PITPNM1: variants seen among roughly 807,000 people sequenced by gnomAD.
The protein encoded by PITPNM1 is phosphatidylinositol transfer protein membrane associated 1.
Under a neutral mutation model 133.3 loss-of-function variants are expected in PITPNM1, and 74 were observed. The observed-to-expected ratio is 0.56, with a 90% CI of 0.46 to 0.67. PITPNM1 has a LOEUF of 0.67. Ranked by LOEUF, PITPNM1 falls within the 30% of genes least tolerant of loss-of-function variation. PITPNM1 has a pLI of 0.00. For synonymous variants in PITPNM1, 738 were observed against 741.4 expected, an observed-to-expected ratio of 1.00 and a Z score of 0.08; for missense variants, 1,398 against 1,739.5, an observed-to-expected ratio of 0.80 and a Z score of 3.49.
In PITPNM1 at chr11:67,495,475, C is replaced by T. The variant is rs1342364277; in HGVS notation, c.2445G>A (p.Gln815=). 3 of 1,553,680 alleles carry T rather than the reference C, an allele frequency of 1.9e-6. No individual in the cohort carries two copies. Among genetic ancestry groups the T allele is most frequent in the South Asian group, 1.2e-5 (1 of 84,332 alleles). The part of the protein sequence containing the change: ...GSELATDPPA[Q]PAAPSTTSEV... ...CACTGGTGGTGCTGGGGGCGGCTGG[C>T]TGGGCCGGGGGGTCAGTGGCCAACT... Residue 815 remains glutamine, a synonymous_variant, in exon 16 of 24, where the codon CAG becomes CAA. Coordinates refer to ENST00000356404, the MANE Select transcript of PITPNM1 (RefSeq NM_004910.3).
At position 67,501,967 on chromosome 11, in the gene PITPNM1, T is replaced by C. The variant is rs780087039; in HGVS notation, c.535A>G (p.Thr179Ala). The part of the protein sequence containing the change: ...RGPLSDDWAR[T>A]AAQTGPLMCA... ...ATAAGGGGCCCCGTCTGTGCCGCCGTCCGTGCCCAGTCATCAGACAGTGGC... is the reference window on the plus strand; with the variant it reads ...ATAAGGGGCCCCGTCTGTGCCGCCGCCCGTGCCCAGTCATCAGACAGTGGC... The change falls in exon 5 of 24, where the codon ACG (threonine) becomes GCG (alanine). Residue 179 changes from threonine (T) to alanine (A), a missense_variant. Thr to Ala is a moderately conservative substitution (Grantham distance 58). Around this residue, in one of 5 missense-constraint regions of PITPNM1, gnomAD observed 274 missense variants for 360.7 expected, o/e 0.76. Coordinates refer to ENST00000356404, the MANE Select transcript of PITPNM1 (RefSeq NM_004910.3). 6.2e-7 allele frequency: 1 copy of C among 1,613,520 alleles called. No homozygotes were observed.
Position 67,504,044 on chromosome 11 carries a change from C to G in PITPNM1, c.78+59G>C. On this transcript the variant is annotated intron_variant, in intron 2 of 23. Transcript: ENST00000356404. The surrounding 1 kb of genome is among the most constrained non-coding windows in gnomAD (Gnocchi z 5.4). ...AGCCGGTCCCAGCCCCGGGGCAGGG[C>G]TGGCGGGGTCGGCAGGGCTCCACCC... 9 of 1,373,536 alleles carry G rather than the reference C, an allele frequency of 6.6e-6. 1 individual carries two copies. In the South Asian group the frequency reaches 7.7e-5, roughly 12 times the overall value. 85.1% of individuals were successfully genotyped at this position (1,373,536 alleles called of 1,614,324 possible). A position where few individuals can be genotyped will look rare whatever the true frequency, so the allele number is the denominator to read the frequency against.
rs774879838 is a variant in PITPNM1, at chr11:67,493,807, C to T, written c.3039G>A (p.Leu1013=). The stretch of plus-strand genomic sequence containing the variant: ...CCTCCGTGCCGCGGGCCACCACAGT[C>T]AGGCAGCATTCGGCATAGGTGTGGT... ...RGDHTYAECC[L]TVVARGTEAV... The change falls in exon 21 of 24, where the codon CTG becomes CTA. Residue 1013 remains leucine, a synonymous_variant. Transcript: ENST00000356404. 2.6e-6 allele frequency: 4 copies of T among 1,549,926 alleles called. No individual in the cohort carries two copies. In the South Asian group the frequency reaches 3.6e-5, roughly 14 times the overall value.
intron 8 of PITPNM1, 87 bp from the exon 9 acceptor site, chr11:67,499,088 C>A: frequency 7.6e-7 from 1 of 1,309,050 alleles, no homozygotes; most frequent in Middle Eastern, 1.9e-4. Context: ...GTTCTGGCAT[C>A]TGCCTGAGGC....
chr11:67,493,386 C>T lies in PITPNM1; in HGVS notation c.3342+24G>A, dbSNP rs545171145. ...GGGGAGCGGGGGCGGGGTCAGGACC[C>T]GGAGCCTCCCCCAGCCGCCGCACCT... On this transcript the variant is annotated intron_variant, in intron 22 of 23. Transcript: ENST00000356404. The T allele has an allele frequency of 8.2e-5, 126 of 1,544,280 alleles. 1 individual carries two copies. The Admixed American group carries it at 1.7e-3, about 21-fold the overall frequency.
chr11:67,500,474 G>T (rs934287407), intron 5 of PITPNM1, 53 bp from the exon 6 acceptor site: 55 of 1,525,638 alleles, frequency 3.6e-5, no homozygotes, highest in Non-Finnish European at 4.8e-5. Context: ...CCCTGCCACC[G>T]CAGCTACATG....
At chr11:67,493,328 T>G in intron 22 of PITPNM1, 82 bp downstream of exon 22, 1 of 1,370,344 alleles carries the variant, frequency 7.3e-7, no homozygotes, top group Non-Finnish European at 9.9e-7. Context: ...TGGGAACAGA[T>G]GGGCCTCCGC....
rs1866002697 is a variant in PITPNM1, at chr11:67,493,451, G to A, written c.3301C>T (p.Leu1101=). 6.2e-7 allele frequency: 1 copy of A among 1,604,014 alleles called. No homozygotes were observed. The highest frequency in any genetic ancestry group is 1.3e-5 in the African/African-American group (1 of 74,822). Residue 1101 remains leucine, a synonymous_variant, in exon 22 of 24, where the codon CTA becomes TTA. Coordinates refer to ENST00000356404, the MANE Select transcript of PITPNM1 (RefSeq NM_004910.3). Reference sequence around the variant, plus strand: ...TGCAGAAACATTGCCTTCTGGCGTAGTGGGTCGTGGGTGAGGCCGTCGCAG... The same window carrying A: ...TGCAGAAACATTGCCTTCTGGCGTAATGGGTCGTGGGTGAGGCCGTCGCAG... ...SFCDGLTHDP[L]RQKAMFLQSL...
rs1301158721 is a variant in PITPNM1, at chr11:67,498,003, C to T, written c.1696G>A (p.Val566Ile). ...CGQVALIGDG[V>I]GGILGFDALC... ...GCATCAAAGCCCAGGATGCCACCAA[C>T]ACCATCTCCAATCAGTGCGACCTGG... Residue 566 changes from valine (V) to isoleucine (I), a missense_variant, in exon 12 of 24, where the codon GTT (valine) becomes ATT (isoleucine). Physicochemically the swap from Val to Ile is conservative, Grantham distance 29. Around this residue, in one of 5 missense-constraint regions of PITPNM1, gnomAD observed 574 missense variants for 698.7 expected, o/e 0.82. Coordinates refer to ENST00000356404, the MANE Select transcript of PITPNM1 (RefSeq NM_004910.3). This position sits in a 1 kb window ranked among gnomAD's most constrained non-coding sequence, Gnocchi z 5.7. 3.7e-6 allele frequency: 6 copies of T among 1,610,758 alleles called. No individual in the cohort carries two copies. The highest frequency in any genetic ancestry group is 5.1e-6 in the Non-Finnish European group (6 of 1,179,978).
intron 5 of PITPNM1, 87 bp downstream of exon 5, chr11:67,501,775 T>TC: frequency 8.7e-7 from 1 of 1,147,336 alleles, no homozygotes; most frequent in African/African-American, 1.5e-5. Flanking sequence ...TGCTTCTGTG[T>TC]CCCCAGTGGA....
rs1319660956 is a variant in PITPNM1 at position 67,492,927 on chromosome 11, G to T, written c.3471+7C>A. On this transcript the variant is annotated splice_region_variant and intron_variant, in intron 23 of 23. Transcript: ENST00000356404. ...GGTCCTGTTCCTGGCCTTCACTTGG[G>T]CCTCACCTGGCACTGCGCCTGTAGC... 4 of 1,611,048 alleles carry T rather than the reference G, an allele frequency of 2.5e-6. No individual in the cohort carries two copies. Among genetic ancestry groups the T allele is most frequent in the Non-Finnish European group, 3.4e-6 (4 of 1,178,728 alleles).
rs748346926 is a variant in PITPNM1 at position 67,498,012 on chromosome 11, C to T, written c.1687G>A (p.Gly563Arg). 5.5e-5 allele frequency: 88 copies of T among 1,610,320 alleles called. No homozygotes were observed. Among genetic ancestry groups the T allele is most frequent in the Non-Finnish European group, 7.3e-5 (86 of 1,179,952 alleles). ...CCCAGGATGCCACCAACACCATCTCCAATCAGTGCGACCTGGGTGGGAGCA... is the reference window on the plus strand; with the variant it reads ...CCCAGGATGCCACCAACACCATCTCTAATCAGTGCGACCTGGGTGGGAGCA... ...AGFCGQVALI[G>R]DGVGGILGFD... Residue 563 changes from glycine (G) to arginine (R), a missense_variant, in exon 12 of 24, where the codon GGA becomes AGA. Gly to Arg is a moderately radical substitution (Grantham distance 125, BLOSUM62 -2). Coordinates refer to ENST00000356404, the MANE Select transcript of PITPNM1 (RefSeq NM_004910.3). This position sits in a 1 kb window ranked among gnomAD's most constrained non-coding sequence, Gnocchi z 5.7.
chr11:67,492,201 C>T lies in PITPNM1; in HGVS notation c.3567G>A (p.Lys1189=), dbSNP rs201172074. Residue 1189 remains lysine, a synonymous_variant, in exon 24 of 24, where the codon AAG becomes AAA. Transcript: ENST00000356404. ...CGGGGGCAGCCACACCATAGCTGCT[C>T]TTGCCCAAGGCAGCTCTCGGGGGTC... The part of the protein sequence containing the change: ...SSGPPRAALG[K]SSYGVAAPVD... The T allele has an allele frequency of 2.2e-5, 36 of 1,611,242 alleles. No individual in the cohort carries two copies. In the East Asian group the frequency reaches 3.1e-4, roughly 14 times the overall value.
intron 23 of PITPNM1, 74 bp downstream of exon 23, chr11:67,492,860 T>C: frequency 6.5e-7 from 1 of 1,534,208 alleles, no homozygotes; most frequent in Non-Finnish European, 8.8e-7. Context: ...CCAGAGTCCG[T>C]GGTTCCCAAG....
rs1866275153 is a variant in PITPNM1, at chr11:67,500,092, C to G, written c.967+3G>C. The stretch of plus-strand genomic sequence containing the variant: ...TCCTCCCATCCCTGTGCCCCAGCCT[C>G]ACCTCCATGTTGGGATGAGTAGGAG... On this transcript the variant is annotated splice_donor_region_variant and intron_variant, in intron 6 of 23. Coordinates refer to ENST00000356404, the MANE Select transcript of PITPNM1 (RefSeq NM_004910.3). 6.3e-7 allele frequency: 1 copy of G among 1,597,872 alleles called. No homozygotes were observed. The highest frequency in any genetic ancestry group is 1.3e-5 in the African/African-American group (1 of 74,678).
rs1407583235 is a variant in PITPNM1 at position 67,502,778 on chromosome 11, C to T, written c.79-60G>A. On this transcript the variant is annotated intron_variant, in intron 2 of 23. Transcript: ENST00000356404. The surrounding 1 kb of genome is among the most constrained non-coding windows in gnomAD (Gnocchi z 5.9). ...GCCCCAGCTTAGCATCTGGGATCCC[C>T]AGCTCAGCCTGGTGTTCTACACAGC... 3.2e-6 allele frequency: 5 copies of T among 1,541,674 alleles called. No individual in the cohort carries two copies. Among genetic ancestry groups the T allele is most frequent in the South Asian group, 2.2e-5 (2 of 89,252 alleles).
chr11:67,492,787 T>C, intron 23 of PITPNM1, 147 bp downstream of exon 23: 1 of 1,035,334 alleles, frequency 9.7e-7, no homozygotes, highest in Non-Finnish European at 1.4e-6. Flanking sequence ...AAGCTGCTCA[T>C]GGCCCTTGTC....
chr11:67,504,006 C>T lies in PITPNM1; in HGVS notation c.78+97G>A. ...ATCTGAAGGGGGGCCTCTCTTGCCT[C>T]CTCCGGGCTCCCAGCCGGTCCCAGC... On this transcript the variant is annotated intron_variant, in intron 2 of 23. Coordinates refer to ENST00000356404, the MANE Select transcript of PITPNM1 (RefSeq NM_004910.3). The surrounding 1 kb of genome is among the most constrained non-coding windows in gnomAD (Gnocchi z 5.4). 1 of 891,224 alleles carries T rather than the reference C, an allele frequency of 1.1e-6. No individual in the cohort carries two copies. The highest frequency in any genetic ancestry group is 1.7e-6 in the Non-Finnish European group (1 of 592,444). 55.2% of individuals were successfully genotyped at this position (891,224 alleles called of 1,614,324 possible).
At chr11:67,501,536 G>A (rs1376314601) in intron 5 of PITPNM1, among the ~76,000 whole-genome samples, 2 of 152,206 alleles carry the variant, frequency 1.3e-5, no homozygotes, top group Non-Finnish European at 2.9e-5. Context: ...TCCTTAGCAT[G>A]CTGCCAGTTA....
Sources: allele counts gnomAD v4.1 joint callset (sites outside exome capture counted in the v4.1 genomes callset), GRCh38; gene constraint gnomAD v4.1.1; regional missense constraint gnomAD v4.1.1; non-coding constraint Gnocchi (gnomAD v3.1); transcripts MANE v1.5; gene names NCBI Gene and HGNC (gene_info 2026-07-23, HGNC 2026-07-21).